The following SHLD2 variants were observed in gnomAD, a reference collection of about 807,000 sequenced individuals.
The protein encoded by SHLD2 is RINN1-REV7-interacting novel NHEJ regulator 2.
SHLD2 carries 30 observed loss-of-function variants against 73.2 expected under a neutral mutation model. That is an observed-to-expected ratio of 0.41 (90% CI 0.31 to 0.56). SHLD2 has a LOEUF of 0.56. SHLD2 is among the 20% of genes least tolerant of loss of function. The pLI, the probability that SHLD2 is intolerant of heterozygous loss-of-function variation, is 0.28. For missense variants in SHLD2, 745 were observed against 1,055.9 expected (o/e 0.71, Z 4.08); for synonymous variants, 285 against 370.1 (o/e 0.77, Z 2.64).
upstream of SHLD2, chr10:87,094,834 G>C: frequency 7.8e-7 from 1 of 1,280,052 alleles, no homozygotes; most frequent in African/African-American, 1.5e-5. The surrounding 1 kb of genome is among the most constrained non-coding windows in gnomAD (Gnocchi z 6.6). Flanking sequence ...GACTCCCCGC[G>C]ACTAGGGAGG....
intron 4 of SHLD2, among the ~76,000 whole-genome samples, chr10:87,165,879 T>C (rs1349885972): frequency 6.6e-6 from 1 of 152,200 alleles, no homozygotes; most frequent in African/African-American, 2.4e-5. Flanking sequence ...TCTGTACTAT[T>C]TTTGCAACTT....
intron 2 of SHLD2, among the ~76,000 whole-genome samples, chr10:87,122,820 C>A (rs958884307): frequency 2.6e-5 from 4 of 152,196 alleles, no homozygotes; most frequent in African/African-American, 9.6e-5. Context: ...CTCTGTCGCC[C>A]AGGCTGGAGT....
intron 2 of SHLD2, among the ~76,000 whole-genome samples, chr10:87,142,071 G>A (rs1184980361): frequency 1.3e-5 from 2 of 151,204 alleles, no homozygotes; most frequent in Non-Finnish European, 2.9e-5. Context: ...CCATAAGTAC[G>A]TACAATTACA....
At chr10:87,122,287 CTTGT>C (rs1332860965) in intron 2 of SHLD2, among the ~76,000 whole-genome samples, 3 of 151,462 alleles carry the variant, frequency 2.0e-5, no homozygotes, top group African/African-American at 7.3e-5. Flanking sequence ...TTTTGCTGAT[CTTGT>C]TTATTAGAAA....
At chr10:87,147,081 A>AC (rs1845674464) in intron 2 of SHLD2, among the ~76,000 whole-genome samples, 3 of 150,126 alleles carry the variant, frequency 2.0e-5, no homozygotes, top group Admixed American at 6.6e-5. Flanking sequence ...AGAAAAAAAA[A>AC]AAAAAAACAA....
intron 2 of SHLD2, among the ~76,000 whole-genome samples, chr10:87,126,650 C>T (rs1844030730): frequency 1.3e-5 from 2 of 152,058 alleles, no homozygotes; most frequent in African/African-American, 4.8e-5. Context: ...ATGATTTATA[C>T]ATACTTAGAA....
At chr10:87,156,497 A>G (rs1846440346) in intron 3 of SHLD2, among the ~76,000 whole-genome samples, 1 of 152,188 alleles carries the variant, frequency 6.6e-6, no homozygotes, top group African/African-American at 2.4e-5. Flanking sequence ...AAGGGAGACT[A>G]CTGACTAGAA....
At position 87,180,218 on chromosome 10, in the gene SHLD2, G is replaced by A; in HGVS notation, c.2314G>A (p.Gly772Arg). ...NIVYTGCAKC[G>R]LELETDENRI... Reference sequence around the variant, plus strand: ...CGTATATACTGGTTGTGCAAAATGTGGATTGGAACTAGAAACAGATGAGAA... The same window carrying A: ...CGTATATACTGGTTGTGCAAAATGTAGATTGGAACTAGAAACAGATGAGAA... The change falls in exon 8 of 10, where the codon GGA (glycine) becomes AGA (arginine). Residue 772 changes from glycine (G) to arginine (R), a missense_variant. Physicochemically the swap from Gly to Arg is moderately radical, Grantham distance 125. Around this residue, in one of 5 missense-constraint regions of SHLD2, gnomAD observed 418 missense variants for 567.8 expected, o/e 0.74. Transcript: ENST00000298786. The A allele has an allele frequency of 6.2e-7, 1 of 1,612,192 alleles. No homozygotes were observed. The highest frequency in any genetic ancestry group is 8.5e-7 in the Non-Finnish European group (1 of 1,178,476).
At chr10:87,170,267 A>G (rs1430277037) in intron 4 of SHLD2, among the ~76,000 whole-genome samples, 2 of 152,186 alleles carry the variant, frequency 1.3e-5, no homozygotes, top group African/African-American at 4.8e-5. Context: ...ATAGTAAATA[A>G]TTCCATTTCC....
At chr10:87,098,568 A>G (rs928305589) in intron 2 of SHLD2, among the ~76,000 whole-genome samples, 1 of 151,654 alleles carries the variant, frequency 6.6e-6, no homozygotes, top group Non-Finnish European at 1.5e-5. Context: ...CAAATTGTTG[A>G]TGATCACCAA....
chr10:87,111,104 C>T (rs938447828), intron 2 of SHLD2, among the ~76,000 whole-genome samples: 8 of 152,002 alleles, frequency 5.3e-5, no homozygotes, highest in Non-Finnish European at 7.4e-5. Context: ...GGCCTCCCAA[C>T]GTGCTGGGAT....
chr10:87,146,902 C>G (rs911717060), intron 2 of SHLD2, among the ~76,000 whole-genome samples: 4 of 151,256 alleles, frequency 2.6e-5, no homozygotes, highest in Non-Finnish European at 4.4e-5. Context: ...ACTAAAAATA[C>G]AAAATTAGCT....
intron 7 of SHLD2, among the ~76,000 whole-genome samples, chr10:87,177,912 T>C (rs992095548): frequency 6.6e-6 from 1 of 152,198 alleles, no homozygotes; most frequent in Non-Finnish European, 1.5e-5. Flanking sequence ...TAGGATTATG[T>C]GAACATTCTT....
intron 2 of SHLD2, among the ~76,000 whole-genome samples, chr10:87,127,529 G>GCCCCCCCCCCCCCCCTCTCTCCCCCCCCC (rs1225003390): frequency 4.1e-5 from 1 of 24,356 alleles, no homozygotes; most frequent in Non-Finnish European, 6.8e-5. Flanking sequence ...CCTCTTACCC[G>GCCCCCCCCCCCCCCCTCTCTCCCCCCCCC]CCCCCCCCCA....
At chr10:87,138,345 A>G (rs1001223837) in intron 2 of SHLD2, among the ~76,000 whole-genome samples, 1 of 151,514 alleles carries the variant, frequency 6.6e-6, no homozygotes, top group African/African-American at 2.4e-5. Flanking sequence ...GTTAAATACA[A>G]TGGGATGACA....
intron 8 of SHLD2, among the ~76,000 whole-genome samples, chr10:87,184,524 C>T (rs954387699): frequency 6.6e-6 from 1 of 152,130 alleles, no homozygotes; most frequent in African/African-American, 2.4e-5. Flanking sequence ...AGCACACCAG[C>T]AGTCTCTTGG....
chr10:87,160,998 AAAG>A (rs1262919183), intron 4 of SHLD2, among the ~76,000 whole-genome samples: 2 of 152,034 alleles, frequency 1.3e-5, no homozygotes, highest in African/African-American at 2.4e-5. Flanking sequence ...AAAAAAAAAA[AAAG>A]AAAGAAGAGG....
chr10:87,159,780 C>G (rs970865013), intron 4 of SHLD2, among the ~76,000 whole-genome samples: 1 of 151,990 alleles, frequency 6.6e-6, no homozygotes, highest in Non-Finnish European at 1.5e-5. Context: ...AACTAGGTAG[C>G]CTTTATTGGG....
intron 2 of SHLD2, among the ~76,000 whole-genome samples, chr10:87,104,398 T>G (rs1227405358): frequency 6.6e-6 from 1 of 150,464 alleles, no homozygotes; most frequent in Non-Finnish European, 1.5e-5. Context: ...AATACAAAAA[T>G]TAGCCAGGCA....
Sources: gnomAD v4.1 joint callset for allele counts (sites outside exome capture counted in the v4.1 genomes callset) on GRCh38, gnomAD v4.1.1 for gene constraint, gnomAD v4.1.1 regional missense constraint, Gnocchi (gnomAD v3.1) non-coding constraint, MANE v1.5 for transcripts, NCBI Gene and HGNC (gene_info 2026-07-23, HGNC 2026-07-21) for gene names.